CCSER1: variants seen among roughly 807,000 people sequenced by gnomAD.
CCSER1 encodes the protein serine-rich coiled-coil domain-containing protein 1.
In CCSER1, 41 loss-of-function variants were observed where a neutral mutation model predicts 82.0. The observed-to-expected ratio is 0.50, with a 90% CI of 0.39 to 0.65. The LOEUF (loss-of-function observed/expected upper bound fraction) is 0.65, where lower values mean the gene tolerates loss of function less well. CCSER1 is among the 30% of genes least tolerant of loss of function. The pLI, the probability that CCSER1 is intolerant of heterozygous loss-of-function variation, is 0.00. For synonymous variants in CCSER1, 414 were observed against 383.9 expected, an observed-to-expected ratio of 1.08 and a Z score of -0.92; for missense variants, 1,119 against 1,064.2, an observed-to-expected ratio of 1.05 and a Z score of -0.72.
chr4:90,435,630 T>C, intron 4 of CCSER1, among the ~76,000 whole-genome samples: 1 of 152,042 alleles, frequency 6.6e-6, no homozygotes, highest in East Asian at 1.9e-4. Context: ...CTGTAAGAGG[T>C]TGGGAGACAT....
chr4:90,671,970 A>G (rs549530149), intron 6 of CCSER1, among the ~76,000 whole-genome samples: 1 of 152,118 alleles, frequency 6.6e-6, no homozygotes, highest in East Asian at 1.9e-4. Flanking sequence ...TTTGAAAGGA[A>G]TCTTATTTTC....
intron 1 of CCSER1, among the ~76,000 whole-genome samples, chr4:90,187,061 C>G (rs1734744308): frequency 6.6e-6 from 1 of 151,852 alleles, no homozygotes. Context: ...TGTGCTGCAC[C>G]TCCTGGGTAA....
At chr4:90,241,013 C>T (rs926229120) in intron 1 of CCSER1, among the ~76,000 whole-genome samples, 1 of 152,138 alleles carries the variant, frequency 6.6e-6, no homozygotes, top group African/African-American at 2.4e-5. Flanking sequence ...TAATTAAAAC[C>T]ATTTAAATCA....
Position 90,308,817 on chromosome 4 carries a change from G to C in CCSER1, c.533G>C (p.Arg178Thr), listed in dbSNP as rs776992168. ...QTRRSVKQSTRKLLPKSFSSH... is the reference protein window; with the variant it reads ...QTRRSVKQSTTKLLPKSFSSH... ...CGTCGTTCTGTTAAGCAGTCAACAA[G>C]GAAGCTACTCCCTAAATCTTTTTCA... Residue 178 changes from arginine to threonine, a missense_variant, in exon 2 of 11, where the codon AGG becomes ACG. Physicochemically the swap from Arg to Thr is moderately conservative, Grantham distance 71. Transcript: ENST00000509176. 2.5e-6 allele frequency: 4 copies of C among 1,613,762 alleles called. No homozygotes were observed. The highest frequency in any genetic ancestry group is 1.7e-6 in the Non-Finnish European group (2 of 1,179,818).
intron 1 of CCSER1, among the ~76,000 whole-genome samples, chr4:90,273,233 G>A (rs1726917608): frequency 6.6e-6 from 1 of 151,886 alleles, no homozygotes; most frequent in Non-Finnish European, 1.5e-5. Context: ...TAGTGGGGGT[G>A]GATGGGAAGA....
intron 9 of CCSER1, among the ~76,000 whole-genome samples, chr4:90,945,000 CA>C (rs1343535787): frequency 6.6e-6 from 1 of 152,012 alleles, no homozygotes; most frequent in Non-Finnish European, 1.5e-5. Context: ...TGATCGAGAC[CA>C]CAGTTATTTT....
At chr4:90,973,978 A>C (rs903583872) in intron 9 of CCSER1, among the ~76,000 whole-genome samples, 1 of 151,598 alleles carries the variant, frequency 6.6e-6, no homozygotes, top group Admixed American at 6.6e-5. Flanking sequence ...TAAATACTGC[A>C]TGATCTCACT....
chr4:90,218,212 A>G (rs1741463189), intron 1 of CCSER1, among the ~76,000 whole-genome samples: 1 of 152,202 alleles, frequency 6.6e-6, no homozygotes, highest in African/African-American at 2.4e-5. Context: ...TAATTCATTC[A>G]TATGCTGAAT....
intron 7 of CCSER1, among the ~76,000 whole-genome samples, chr4:90,736,731 C>A (rs1028214917): frequency 4.6e-5 from 7 of 151,854 alleles, no homozygotes; most frequent in African/African-American, 1.4e-4. Context: ...GGACTTACTC[C>A]TACTTACTCC....
chr4:91,268,930 G>C (rs13142137), intron 10 of CCSER1, among the ~76,000 whole-genome samples: 1 of 152,132 alleles, frequency 6.6e-6, no homozygotes, highest in Non-Finnish European at 1.5e-5. Flanking sequence ...GGACGTATAC[G>C]TGCAGGCTTG....
chr4:91,069,679 T>G (rs1721221801), intron 9 of CCSER1, among the ~76,000 whole-genome samples: 1 of 152,056 alleles, frequency 6.6e-6, no homozygotes, highest in Non-Finnish European at 1.5e-5. Context: ...TAAAATTGAG[T>G]GATATGACAA....
chr4:91,008,921 G>C (rs985008923), intron 9 of CCSER1, among the ~76,000 whole-genome samples: 2 of 152,332 alleles, frequency 1.3e-5, no homozygotes, highest in South Asian at 4.1e-4. Context: ...ATTAGAAGCT[G>C]TGGGTCACAG....
rs1261485639 is a variant in CCSER1 at position 91,321,545 on chromosome 4, T to A, written c.2217+235551T>A. On this transcript the variant is annotated intron_variant, in intron 10 of 10. Coordinates refer to ENST00000509176, the MANE Select transcript of CCSER1 (RefSeq NM_001145065.2). The stretch of plus-strand genomic sequence containing the variant: ...TGCCTTATTATTTGTAGTTATGCTA[T>A]TCGAAGTCAGTCCATTTAACTTATT... 2.6e-5 allele frequency among the ~76,000 whole-genome samples: 4 copies of A among 152,136 alleles called. No individual in the cohort carries two copies. The East Asian group carries it at 7.7e-4, about 29-fold the overall frequency.
chr4:90,261,191 A>G (rs1724272748), intron 1 of CCSER1, among the ~76,000 whole-genome samples: 1 of 151,512 alleles, frequency 6.6e-6, no homozygotes, highest in African/African-American at 2.4e-5. Flanking sequence ...ATTGTTTTAT[A>G]GGCCCTGTGA....
chr4:90,567,212 G>A (rs1344863458), intron 5 of CCSER1, among the ~76,000 whole-genome samples: 2 of 151,112 alleles, frequency 1.3e-5, no homozygotes, highest in African/African-American at 4.9e-5. Flanking sequence ...ATTTTTTGAT[G>A]TCGGTGTTTC....
rs532752307 is a variant in CCSER1, at chr4:90,462,219, G to A, written c.1604-6015G>A. On this transcript the variant is annotated intron_variant, in intron 4 of 10. Transcript: ENST00000509176. ...TATGTATTTATCAACCAGGAAAACA[G>A]ACCAGTAAAAGATATAAAGAAGTTT... Among the ~76,000 whole-genome samples the A allele has an allele frequency of 9.0e-4, 135 of 149,868 alleles. No homozygotes were observed. The Middle Eastern group carries it at 0.014, about 15-fold the overall frequency.
chr4:90,655,649 T>G (rs1424521821), intron 6 of CCSER1, among the ~76,000 whole-genome samples: 1 of 151,946 alleles, frequency 6.6e-6, no homozygotes, highest in Non-Finnish European at 1.5e-5. Flanking sequence ...CTTATAGTTT[T>G]CAATTTATTG....
At chr4:91,586,360 G>T (rs1012609946) in intron 10 of CCSER1, among the ~76,000 whole-genome samples, 27 of 151,618 alleles carry the variant, frequency 1.8e-4, no homozygotes, top group Admixed American at 1.1e-3. Flanking sequence ...TTATGTGAAT[G>T]GATGAGATTT....
chr4:91,375,685 A>G (rs1212988268), intron 10 of CCSER1, among the ~76,000 whole-genome samples: 1 of 152,160 alleles, frequency 6.6e-6, no homozygotes, highest in African/African-American at 2.4e-5. Context: ...AATCCCTTTT[A>G]CTTTAGGCTT....
Sources: gnomAD v4.1 joint callset for allele counts (sites outside exome capture counted in the v4.1 genomes callset) on GRCh38, gnomAD v4.1.1 for gene constraint, MANE v1.5 for transcripts, NCBI Gene and HGNC (gene_info 2026-07-23, HGNC 2026-07-21) for gene names.